The following LRRC9 variants were observed in gnomAD, a reference collection of about 807,000 sequenced individuals.
LRRC9 encodes the protein leucine rich repeat containing 9, also known as leucine-rich repeat-containing protein 9.
In LRRC9, 122 loss-of-function variants were observed where a neutral mutation model predicts 63.2. That is an observed-to-expected ratio of 1.93 (90% CI 1.67 to 2.24). The LOEUF is 2.24. Ranked by LOEUF, LRRC9 falls within the 30% of genes most tolerant of loss-of-function variation. The probability of loss-of-function intolerance (pLI) is 0.00; values close to 1 mark genes in which losing one functional copy is unlikely to be tolerated. For synonymous variants in LRRC9, 366 were observed against 213.1 expected (o/e 1.72, Z -6.25); for missense variants, 1,071 against 627.7 (o/e 1.71, Z -7.55).
intron 16 of LRRC9, 94 bp downstream of exon 16, chr14:59,982,154 C>A (rs917539080): frequency 4.0e-5 from 25 of 618,936 alleles, no homozygotes; most frequent in African/African-American, 3.9e-4. Context: ...AACTGCCTGT[C>A]TGATGATGCC....
chr14:60,031,289 A>G lies in LRRC9; in HGVS notation c.3922-706A>G, dbSNP rs1202388836. ...TTTACAGTTACTAGAAGAATTTGCT[A>G]TATGTCCACTTGTAATTCCACAAAG... On this transcript the variant is annotated intron_variant, in intron 28 of 31. Transcript: ENST00000445360. The surrounding 1 kb of genome is among the most constrained non-coding windows in gnomAD (Gnocchi z 4.6). 1.3e-5 allele frequency among the ~76,000 whole-genome samples: 2 copies of G among 152,120 alleles called. No individual in the cohort carries two copies. Among genetic ancestry groups the G allele is most frequent in the African/African-American group, 4.8e-5 (2 of 41,458 alleles).
chr14:59,928,258 T>C lies in LRRC9; in HGVS notation c.49-10T>C, dbSNP rs2139764488. ...ATAGGTAATGACCAAATTTCTTTCCTTTAAAACAGTGTTTGTGCAATGGCT... is the reference window on the plus strand; with the variant it reads ...ATAGGTAATGACCAAATTTCTTTCCCTTAAAACAGTGTTTGTGCAATGGCT... On this transcript the variant is annotated splice_polypyrimidine_tract_variant and intron_variant, in intron 2 of 31. Coordinates refer to ENST00000445360, the Ensembl canonical transcript of LRRC9. The C allele has an allele frequency of 6.9e-6, 4 of 576,564 alleles. No individual in the cohort carries two copies. The South Asian group carries it at 9.7e-5, about 14-fold the overall frequency. The allele number at this position is 576,564 out of a possible 1,614,324, so 35.7% of individuals were successfully genotyped here.
At position 59,938,645 on chromosome 14, in the gene LRRC9, C is replaced by T. The variant is rs752195121; in HGVS notation, c.726+73C>T. Reference sequence around the variant, plus strand: ...AACGGCTTCTTTCTGGCCATGTCCACATACGGTAGGTAGGATTATCAGTTC... The same window carrying T: ...AACGGCTTCTTTCTGGCCATGTCCATATACGGTAGGTAGGATTATCAGTTC... On this transcript the variant is annotated intron_variant, in intron 7 of 31. Transcript: ENST00000445360. The surrounding 1 kb of genome is among the most constrained non-coding windows in gnomAD (Gnocchi z 4.2). 4 of 591,228 alleles carry T rather than the reference C, an allele frequency of 6.8e-6. No homozygotes were observed. The highest frequency in any genetic ancestry group is 1.2e-5 in the Non-Finnish European group (4 of 333,790). 36.6% of individuals were successfully genotyped at this position (591,228 alleles called of 1,614,324 possible).
At chr14:59,980,575 A>T (rs999454213) in intron 15 of LRRC9, among the ~76,000 whole-genome samples, 15 of 152,272 alleles carry the variant, frequency 9.9e-5, no homozygotes, top group African/African-American at 3.6e-4. Flanking sequence ...TTAAAACTTA[A>T]TTTGGTGTGA....
At position 59,972,633 on chromosome 14, in the gene LRRC9, T is replaced by C. The variant is rs188024934; in HGVS notation, c.1507-1943T>C. ...TGCCAGAAGTTCTTAATGATTATCT[T>C]CTATTGAATTTTACTAAATTTTCCA... On this transcript the variant is annotated intron_variant, in intron 12 of 31. Transcript: ENST00000445360. 1.6e-3 allele frequency among the ~76,000 whole-genome samples: 239 copies of C among 152,230 alleles called. 1 individual carries two copies. Among genetic ancestry groups the C allele is most frequent in the Admixed American group, 1.8e-3 (27 of 15,268 alleles).
chr14:59,980,517 A>G (rs1233532158), intron 15 of LRRC9, among the ~76,000 whole-genome samples: 1 of 152,168 alleles, frequency 6.6e-6, no homozygotes, highest in African/African-American at 2.4e-5. Flanking sequence ...TAGCTTGTCA[A>G]GCTCTATTTT....
rs1887934733 is a variant in LRRC9 at position 59,990,245 on chromosome 14, C to T, written c.2211+5021C>T. On this transcript the variant is annotated intron_variant, in intron 17 of 31. Transcript: ENST00000445360. This position sits in a 1 kb window ranked among gnomAD's most constrained non-coding sequence, Gnocchi z 4.2. ...CCCAGCCTAGATCTTCTTTTTTATT[C>T]ACCTCTCGTGTCCTTATCCTGTTTC... Among the ~76,000 whole-genome samples, 1 of 151,934 alleles carries T rather than the reference C, an allele frequency of 6.6e-6. No homozygotes were observed. The highest frequency in any genetic ancestry group is 1.5e-5 in the Non-Finnish European group (1 of 67,988).
chr14:60,066,526 A>G (rs186689895), downstream of LRRC9, among the ~76,000 whole-genome samples: 5 of 152,202 alleles, frequency 3.3e-5, no homozygotes, highest in Admixed American at 3.3e-4. Context: ...GGTTTTTCTG[A>G]TGCCTTACTA....
chr14:60,052,969 C>A, intron 29 of LRRC9, 96 bp from the exon 30 acceptor site: 1 of 549,902 alleles, frequency 1.8e-6, no homozygotes. Context: ...ATTATTTGTC[C>A]TCTTTGTTGC....
chr14:59,967,583 C>T (rs939250609), intron 12 of LRRC9, among the ~76,000 whole-genome samples: 2 of 152,174 alleles, frequency 1.3e-5, no homozygotes, highest in Admixed American at 1.3e-4. Flanking sequence ...TACTTTCTAG[C>T]TATTGCTTTC....
intron 6 of LRRC9, among the ~76,000 whole-genome samples, chr14:59,937,474 C>A (rs537342226): frequency 7.8e-4 from 119 of 152,082 alleles, no homozygotes; most frequent in Middle Eastern, 3.4e-3. Flanking sequence ...GGGGATGAAA[C>A]AAGGCTCCCA....
intron 29 of LRRC9, among the ~76,000 whole-genome samples, chr14:60,033,765 A>C (rs1350775945): frequency 6.6e-6 from 1 of 152,038 alleles, no homozygotes; most frequent in Non-Finnish European, 1.5e-5. Flanking sequence ...TACTTGCTTC[A>C]TAAAATAATT....
intron 23 of LRRC9, among the ~76,000 whole-genome samples, chr14:60,012,321 G>A (rs1890320043): frequency 6.6e-6 from 1 of 152,096 alleles, no homozygotes; most frequent in African/African-American, 2.4e-5. Flanking sequence ...ACACTCTCTA[G>A]ACATATAATT....
In LRRC9 at chr14:59,994,242, C is replaced by T. The variant is rs192625336; in HGVS notation, c.2212-3414C>T. On this transcript the variant is annotated intron_variant, in intron 17 of 31. Coordinates refer to ENST00000445360, the Ensembl canonical transcript of LRRC9. ...TCTCAAAAGAAGACATTTATGCAAC[C>T]AAAAGACACAGGAAAAAATGCTCAT... 1.6e-3 allele frequency among the ~76,000 whole-genome samples: 238 copies of T among 152,162 alleles called. 2 individuals are homozygous for T. Among genetic ancestry groups the T allele is most frequent in the African/African-American group, 5.0e-3 (208 of 41,518 alleles).
intron 12 of LRRC9, among the ~76,000 whole-genome samples, chr14:59,967,889 GATA>G (rs1289508755): frequency 1.3e-5 from 2 of 152,112 alleles, no homozygotes; most frequent in African/African-American, 4.8e-5. Context: ...GTAAAATGAA[GATA>G]ATAATAATAT....
chr14:59,966,872 A>C lies in LRRC9; in HGVS notation c.1388+107A>C. ...ATTAAAAATATACATATACCTTGTT[A>C]GTAAATGTTTCCTTTTTATGCATCT... On this transcript the variant is annotated intron_variant, in intron 11 of 31. Transcript: ENST00000445360. The surrounding 1 kb of genome is among the most constrained non-coding windows in gnomAD (Gnocchi z 4.0). 2 of 552,540 alleles carry C rather than the reference A, an allele frequency of 3.6e-6. No individual in the cohort carries two copies. Among genetic ancestry groups the C allele is most frequent in the Non-Finnish European group, 6.5e-6 (2 of 308,934 alleles). The allele number at this position is 552,540 out of a possible 1,614,324, so 34.2% of individuals were successfully genotyped here.
exon 24 of LRRC9, chr14:60,016,692 G>A: frequency 2.9e-6 from 2 of 700,608 alleles, no homozygotes; most frequent in Non-Finnish European, 5.2e-6. Flanking sequence ...CAAAAGATTT[G>A]TTTGGTGGTA....
Position 60,027,926 on chromosome 14 carries a change from T to C in LRRC9, c.3746T>C (p.Val1249Ala), listed in dbSNP as rs1377093748. 1 of 701,628 alleles carries C rather than the reference T, an allele frequency of 1.4e-6. No individual in the cohort carries two copies. Among genetic ancestry groups the C allele is most frequent in the African/African-American group, 1.7e-5 (1 of 57,254 alleles). The allele number at this position is 701,628 out of a possible 1,614,324, so 43.5% of individuals were successfully genotyped here. A position where few individuals can be genotyped will look rare whatever the true frequency, so the allele number is the denominator to read the frequency against. Residue 1249 changes from valine (V) to alanine (A), a missense_variant, in exon 28 of 32, where the codon GTC becomes GCC. By Grantham distance (64) the Val-to-Ala change is moderately conservative. Coordinates refer to ENST00000445360, the Ensembl canonical transcript of LRRC9. The surrounding 1 kb of genome is among the most constrained non-coding windows in gnomAD (Gnocchi z 4.0). Reference sequence around the variant, plus strand: ...GTTGAAGGGCTTGACAACTTAGTAGTCCTTCAAGAATTGGTAGTGGACCAT... The same window carrying C: ...GTTGAAGGGCTTGACAACTTAGTAGCCCTTCAAGAATTGGTAGTGGACCAT...
intron 8 of LRRC9, among the ~76,000 whole-genome samples, chr14:59,947,691 G>GT (rs1882608491): frequency 7.4e-6 from 1 of 136,000 alleles, no homozygotes; most frequent in African/African-American, 2.9e-5. Context: ...TGTATAAGGT[G>GT]TAAGGAAGGG....
Sources: allele counts gnomAD v4.1 joint callset (sites outside exome capture counted in the v4.1 genomes callset), GRCh38; gene constraint gnomAD v4.1.1; non-coding constraint Gnocchi (gnomAD v3.1); transcripts MANE v1.5; gene names NCBI Gene and HGNC (gene_info 2026-07-23, HGNC 2026-07-21).